The following DOC2A variants were observed in gnomAD, a reference collection of about 807,000 sequenced individuals.
DOC2A encodes double C2-like domain-containing protein alpha.
Under a neutral mutation model 40.6 loss-of-function variants are expected in DOC2A, and 28 were observed. The ratio of observed to expected loss-of-function variants is 0.69; its 90% confidence interval spans 0.51 to 0.95. DOC2A has a LOEUF of 0.95. Among genes scored for constraint, DOC2A ranks in the 40% least tolerant of loss-of-function variants. DOC2A has a pLI of 0.00. For missense variants in DOC2A, 474 were observed against 552.5 expected, an observed-to-expected ratio of 0.86 and a Z score of 1.42; for synonymous variants, 241 against 236.9, an observed-to-expected ratio of 1.02 and a Z score of -0.16.
At position 30,006,036 on chromosome 16, in the gene DOC2A, A is replaced by C. The variant is rs1035893005; in HGVS notation, c.*150T>G. 1.3e-5 allele frequency: 11 copies of C among 873,344 alleles called. No homozygotes were observed. Among genetic ancestry groups the C allele is most frequent in the Non-Finnish European group, 1.9e-5 (11 of 585,218 alleles). 54.1% of individuals were successfully genotyped at this position (873,344 alleles called of 1,614,324 possible). ...TGAATATAGAACTCCGCAGCCCCTC[A>C]TGAGCAGACAGACCCGGGTCACGGA... On this transcript the variant is annotated 3_prime_UTR_variant, in exon 11 of 11. Transcript: ENST00000350119. The surrounding 1 kb of genome is among the most constrained non-coding windows in gnomAD (Gnocchi z 6.2).
chr16:30,009,500 T>G lies in DOC2A; in HGVS notation c.320A>C (p.His107Pro). 1 of 1,551,414 alleles carries G rather than the reference T, an allele frequency of 6.4e-7. No homozygotes were observed. Among genetic ancestry groups the G allele is most frequent in the Non-Finnish European group, 8.7e-7 (1 of 1,146,930 alleles). Residue 107 changes from histidine to proline, a missense_variant, in exon 3 of 11, where the codon CAC (histidine) becomes CCC (proline). By Grantham distance (77) the His-to-Pro change is moderately conservative. Transcript: ENST00000350119. This position sits in a 1 kb window ranked among gnomAD's most constrained non-coding sequence, Gnocchi z 4.1. ...LLYDRASCTL[H>P]CSILRAKGLK... is the part of the protein sequence containing the mutation. ...CACCTTGGCCCTGAGGATGCTACAG[T>G]GCAGAGTGCAGGAGGCCCGGTCGTA...
exon 1 of DOC2A, chr16:30,021,263 G>A (rs757115543): frequency 5.3e-5 from 8 of 152,372 alleles, no homozygotes; most frequent in Non-Finnish European, 8.8e-5. Context: ...GCGGCACTGG[G>A]TCTGCAGAGT....
upstream of DOC2A, among the ~76,000 whole-genome samples, chr16:30,022,388 C>T (rs1263870691): frequency 6.6e-6 from 1 of 150,462 alleles, no homozygotes; most frequent in African/African-American, 2.4e-5. Context: ...TAAATGCTAC[C>T]TGCTGGGCAT....
In DOC2A at chr16:30,007,000, CA is replaced by C. The variant is rs770887831; in HGVS notation, c.714+30del. The C allele has an allele frequency of 1.9e-6, 3 of 1,613,852 alleles. No individual in the cohort carries two copies. The highest frequency in any genetic ancestry group is 2.5e-6 in the Non-Finnish European group (3 of 1,179,902). Reference sequence around the variant, plus strand: ...CTGGGCCCCTGCAGCCTCCCACCCACATGCATCCCCATCCCCATGAGGTGCC... The same window carrying C: ...CTGGGCCCCTGCAGCCTCCCACCCACTGCATCCCCATCCCCATGAGGTGCC... On this transcript the variant is annotated intron_variant, in intron 7 of 10. Transcript: ENST00000350119. This position sits in a 1 kb window ranked among gnomAD's most constrained non-coding sequence, Gnocchi z 6.2.
Position 30,005,532 on chromosome 16 carries a change from T to G in DOC2A, c.*654A>C. On this transcript the variant is annotated 3_prime_UTR_variant, in exon 11 of 11. Coordinates refer to ENST00000350119, the MANE Select transcript of DOC2A (RefSeq NM_003586.3). ...GTCCAGCTTCCTCGGAGGTGTTTAT[T>G]GATGCCCAGCTGCCATGCTCCGGCC... 1 of 1,223,334 alleles carries G rather than the reference T, an allele frequency of 8.2e-7. No homozygotes were observed. 75.8% of individuals were successfully genotyped at this position (1,223,334 alleles called of 1,614,324 possible).
upstream of DOC2A, among the ~76,000 whole-genome samples, chr16:30,015,804 G>T (rs183412808): frequency 2.7e-5 from 4 of 147,224 alleles, no homozygotes; most frequent in East Asian, 8.1e-4. Context: ...GGGCTCAGGC[G>T]ATCCTCCCAC....
chr16:30,006,291 C>T lies in DOC2A; in HGVS notation c.1098G>A (p.Arg366=). ...GCTGCAGGCAGTCACTCCAGTGCTTCCGAGCCTCGCCTCGGGCACCTGGCC... is the reference window on the plus strand; with the variant it reads ...GCTGCAGGCAGTCACTCCAGTGCTTTCGAGCCTCGCCTCGGGCACCTGGCC... ...SLGPGARGEA[R]KHWSDCLQQP... Residue 366 remains arginine (R), a synonymous_variant, in exon 11 of 11, where the codon CGG becomes CGA. Transcript: ENST00000350119. The surrounding 1 kb of genome is among the most constrained non-coding windows in gnomAD (Gnocchi z 6.2). 1 of 1,609,678 alleles carries T rather than the reference C, an allele frequency of 6.2e-7. No individual in the cohort carries two copies. Among genetic ancestry groups the T allele is most frequent in the Non-Finnish European group, 8.5e-7 (1 of 1,178,736 alleles).
At chr16:30,015,779 CATCCTCGAACTCTTGGGCTCAGGCG>C (rs1337643949), upstream of DOC2A, among the ~76,000 whole-genome samples, 2 of 145,368 alleles carry the variant, frequency 1.4e-5, no homozygotes, top group Non-Finnish European at 3.0e-5. Flanking sequence ...TAGCTCACGA[CATCCTCGAACTCTTGGGCTCAGGCG>C]ATCCTCCCAC....
chr16:30,006,900 T>G lies in DOC2A; in HGVS notation c.763A>C (p.Ile255Leu). 1 of 1,613,264 alleles carries G rather than the reference T, an allele frequency of 6.2e-7. No individual in the cohort carries two copies. Among genetic ancestry groups the G allele is most frequent in the African/African-American group, 1.3e-5 (1 of 75,022 alleles). ...GQGLLEERGR[I>L]LLSLSYSSRR... The stretch of plus-strand genomic sequence containing the variant: ...GAGCTGTAGCTGAGACTCAGCAGGA[T>G]GCGGCCACGCTCCTCCAGCAGCCCC... The change falls in exon 8 of 11, where the codon ATC becomes CTC. Residue 255 changes from isoleucine to leucine, a missense_variant. Physicochemically the swap from Ile to Leu is conservative, Grantham distance 5. Transcript: ENST00000350119. This position sits in a 1 kb window ranked among gnomAD's most constrained non-coding sequence, Gnocchi z 6.2.
chr16:30,008,973 G>GT (rs1329391107), intron 5 of DOC2A, 23 bp downstream of exon 5: 1 of 1,523,210 alleles, frequency 6.6e-7, no homozygotes, highest in Non-Finnish European at 9.1e-7. Flanking sequence ...CTGCTGCTGG[G>GT]TGGTGGGGAG....
chr16:30,019,647 G>A (rs1354040991), intron 1 of DOC2A, among the ~76,000 whole-genome samples: 2 of 152,192 alleles, frequency 1.3e-5, no homozygotes, highest in African/African-American at 4.8e-5. Context: ...AACCCCAAAG[G>A]CCATAGGTTC....
In DOC2A at chr16:30,005,618, C is replaced by A; in HGVS notation, c.*568G>T. The A allele has an allele frequency of 1.5e-6, 1 of 658,454 alleles. No individual in the cohort carries two copies. 40.8% of individuals were successfully genotyped at this position (658,454 alleles called of 1,614,324 possible). A position where few individuals can be genotyped will look rare whatever the true frequency, so the allele number is the denominator to read the frequency against. Reference sequence around the variant, plus strand: ...GTGTCCCCCAGGAGGGTGGCAGGGGCCCTGCCTTCAAACCCCGGCCCCCTC... The same window carrying A: ...GTGTCCCCCAGGAGGGTGGCAGGGGACCTGCCTTCAAACCCCGGCCCCCTC... On this transcript the variant is annotated 3_prime_UTR_variant, in exon 11 of 11. Transcript: ENST00000350119.
upstream of DOC2A, among the ~76,000 whole-genome samples, chr16:30,022,172 A>G (rs141812320): frequency 0.017 from 2,341 of 135,418 alleles, 64 homozygotes; most frequent in African/African-American, 0.06. Flanking sequence ...GCTTGAACCC[A>G]GGAGGTGGAG....
At chr16:30,019,370 G>A (rs1346701933) in intron 1 of DOC2A, among the ~76,000 whole-genome samples, 1 of 152,068 alleles carries the variant, frequency 6.6e-6, no homozygotes, top group Non-Finnish European at 1.5e-5. Context: ...GGAGACAGCA[G>A]GTGTAGATGA....
At position 30,006,517 on chromosome 16, in the gene DOC2A, C is replaced by G. The variant is rs780785313; in HGVS notation, c.961-8G>C. On this transcript the variant is annotated splice_region_variant and splice_polypyrimidine_tract_variant and intron_variant, in intron 9 of 10. Transcript: ENST00000350119. This position sits in a 1 kb window ranked among gnomAD's most constrained non-coding sequence, Gnocchi z 6.2. Reference sequence around the variant, plus strand: ...TATCTCGTAGAAAAACTCCTAGGGACAAGGCCGGCCACCCGTTCGTGAGCC... The same window carrying G: ...TATCTCGTAGAAAAACTCCTAGGGAGAAGGCCGGCCACCCGTTCGTGAGCC... 4 of 1,613,780 alleles carry G rather than the reference C, an allele frequency of 2.5e-6. No homozygotes were observed. The highest frequency in any genetic ancestry group is 1.1e-5 in the South Asian group (1 of 91,078).
chr16:30,011,289 C>G, upstream of DOC2A: 1 of 973,648 alleles, frequency 1.0e-6, no homozygotes, highest in Non-Finnish European at 1.2e-6. Flanking sequence ...TGTGCACGCT[C>G]ACACCCTTGC....
chr16:30,011,522 A>C, upstream of DOC2A: 6 of 593,892 alleles, frequency 1.0e-5, no homozygotes, highest in Non-Finnish European at 1.3e-5. Context: ...CCTCGTTGTC[A>C]TGGCGACGCC....
chr16:30,012,606 G>A (rs1310785317), upstream of DOC2A: 5 of 148,542 alleles, frequency 3.4e-5, no homozygotes, highest in Non-Finnish European at 5.9e-5. Context: ...TGTAATCCTA[G>A]CTACTCCAGG....
chr16:30,006,340 C>A lies in DOC2A; in HGVS notation c.1058-9G>T. ...CCCCAGGGACACGCCACCTGGGGAG[C>A]AGGTGGGCAGGGTCAGGGCCACCTC... On this transcript the variant is annotated splice_polypyrimidine_tract_variant and intron_variant, in intron 10 of 10. Coordinates refer to ENST00000350119, the MANE Select transcript of DOC2A (RefSeq NM_003586.3). The surrounding 1 kb of genome is among the most constrained non-coding windows in gnomAD (Gnocchi z 6.2). The A allele has an allele frequency of 6.2e-7, 1 of 1,612,128 alleles. No individual in the cohort carries two copies. The highest frequency in any genetic ancestry group is 8.5e-7 in the Non-Finnish European group (1 of 1,179,736).
Sources: allele counts gnomAD v4.1 joint callset (sites outside exome capture counted in the v4.1 genomes callset), GRCh38; gene constraint gnomAD v4.1.1; non-coding constraint Gnocchi (gnomAD v3.1); transcripts MANE v1.5; gene names NCBI Gene and HGNC (gene_info 2026-07-23, HGNC 2026-07-21).